Variants in SASH1 observed in about 807,000 individuals in gnomAD.
SASH1 encodes SAM and SH3 domain containing 1, also known as SAM and SH3 domain-containing protein 1.
A neutral mutation model predicts 125.2 loss-of-function variants in SASH1; 44 were observed. That is an observed-to-expected ratio of 0.35 (90% confidence interval 0.28 to 0.45). The LOEUF is 0.45. Ranked by LOEUF, SASH1 falls within the 20% of genes least tolerant of loss-of-function variation. The pLI is 1.00. For synonymous variants in SASH1, 639 were observed against 649.1 expected (o/e 0.98, Z 0.24); for missense variants, 1,426 against 1,614.5 (o/e 0.88, Z 2.00).
intron 9 of SASH1, among the ~76,000 whole-genome samples, chr6:148,518,642 A>G (rs749501205): frequency 6.6e-6 from 1 of 152,170 alleles, no homozygotes; most frequent in African/African-American, 2.4e-5. Flanking sequence ...TGCAGAGCTC[A>G]AAGTTTCCCT....
intron 16 of SASH1, among the ~76,000 whole-genome samples, chr6:148,535,869 C>G (rs1249142283): frequency 6.6e-6 from 1 of 152,142 alleles, no homozygotes; most frequent in Non-Finnish European, 1.5e-5. Flanking sequence ...CACACCAAAA[C>G]CATGGTTAAT....
the SASH1 span, among the ~76,000 whole-genome samples, chr6:148,229,618 C>A: frequency 6.6e-6 from 1 of 151,584 alleles, no homozygotes; most frequent in African/African-American, 2.4e-5. Flanking sequence ...TGAGATATAA[C>A]TTGTATGCCT....
At chr6:148,221,410 A>G in the SASH1 span, among the ~76,000 whole-genome samples, 4 of 152,248 alleles carry the variant, frequency 2.6e-5, no homozygotes, top group Non-Finnish European at 4.4e-5. Flanking sequence ...TATCTTTTGC[A>G]TAGCTGTATG....
chr6:148,312,448 C>T (rs1458452445), intron 1 of SASH1, among the ~76,000 whole-genome samples: 1 of 152,076 alleles, frequency 6.6e-6, no homozygotes, highest in Non-Finnish European at 1.5e-5. Flanking sequence ...TTTGAGGCTG[C>T]ACTGAGCTAT....
At chr6:148,251,059 A>G in the SASH1 span, among the ~76,000 whole-genome samples, 1 of 152,206 alleles carries the variant, frequency 6.6e-6, no homozygotes, top group African/African-American at 2.4e-5. Flanking sequence ...AGCAAAATTT[A>G]AAGGGAAGAA....
chr6:148,532,779 C>T lies in SASH1; in HGVS notation c.1565-18C>T. The T allele has an allele frequency of 6.2e-7, 1 of 1,613,506 alleles. No homozygotes were observed. On this transcript the variant is annotated intron_variant, in intron 13 of 19. Transcript: ENST00000367467. This position sits in a 1 kb window ranked among gnomAD's most constrained non-coding sequence, Gnocchi z 4.7. ...GAAATCTGGATCTACCCGTGTTCTT[C>T]CTATGTTTCCTGTACAGGCGGTCAA...
At chr6:148,514,021 G>A in intron 8 of SASH1, 3 of 1,055,194 alleles carry the variant, frequency 2.8e-6, no homozygotes, top group Non-Finnish European at 3.4e-6. Flanking sequence ...GAGTCCTGCT[G>A]GAGTCCTCCT....
chr6:148,256,923 C>G, the SASH1 span, among the ~76,000 whole-genome samples: 1 of 151,934 alleles, frequency 6.6e-6, no homozygotes, highest in Non-Finnish European at 1.5e-5. Context: ...TTGATGAGAG[C>G]TTTGGGGGTG....
At chr6:148,290,540 A>G (rs895928188) in intron 1 of SASH1, among the ~76,000 whole-genome samples, 3 of 152,082 alleles carry the variant, frequency 2.0e-5, no homozygotes, top group African/African-American at 7.2e-5. Context: ...CGGGAGGCGA[A>G]GCTTGCAGTG....
chr6:148,417,615 A>G (rs989641710), intron 2 of SASH1, among the ~76,000 whole-genome samples: 2 of 150,524 alleles, frequency 1.3e-5, no homozygotes, highest in Admixed American at 6.6e-5. Context: ...ATAAAAGAGC[A>G]TGTATCCCAT....
chr6:148,290,587 CAG>C (rs1017158188), intron 1 of SASH1, among the ~76,000 whole-genome samples: 41 of 152,120 alleles, frequency 2.7e-4, no homozygotes, highest in African/African-American at 8.4e-4. Context: ...GCCTGGGTGA[CAG>C]AGTGAGATTC....
chr6:148,465,990 T>C (rs1324665078), intron 4 of SASH1, among the ~76,000 whole-genome samples: 1 of 152,244 alleles, frequency 6.6e-6, no homozygotes, highest in Admixed American at 6.5e-5. Flanking sequence ...TTCATCCATG[T>C]ACCTTACTTG....
At chr6:148,338,725 C>T (rs114505585), upstream of SASH1, among the ~76,000 whole-genome samples, 945 of 150,984 alleles carry the variant, frequency 6.3e-3, 15 homozygotes, top group African/African-American at 0.022. Context: ...CCCTGAAGGG[C>T]CAGGAGCCTT....
intron 1 of SASH1, among the ~76,000 whole-genome samples, chr6:148,291,755 TAAGTC>T (rs1419440314): frequency 6.6e-6 from 1 of 152,092 alleles, no homozygotes; most frequent in African/African-American, 2.4e-5. Context: ...AATGCTGTTT[TAAGTC>T]AAATGAAAAC....
At chr6:148,259,848 C>T in the SASH1 span, among the ~76,000 whole-genome samples, 1 of 152,176 alleles carries the variant, frequency 6.6e-6, no homozygotes, top group South Asian at 2.1e-4. Context: ...ATTTTAACAC[C>T]ATTTGGAAGC....
chr6:148,343,160 C>G lies in SASH1; in HGVS notation c.93C>G (p.Pro31=). The G allele has an allele frequency of 2.5e-6, 4 of 1,600,074 alleles. No homozygotes were observed. The highest frequency in any genetic ancestry group is 2.5e-6 in the Non-Finnish European group (3 of 1,179,176). The change falls in exon 1 of 20, where the codon CCC becomes CCG. Residue 31 remains proline (P), a synonymous_variant. Coordinates refer to ENST00000367467, the MANE Select transcript of SASH1 (RefSeq NM_015278.5). ...CCGCGCCGGAGCCGGAACCGGAGCC[C>G]AAGCCGGGTGCTGGCACATCCGAGG... ...PEPAPEPEPE[P]KPGAGTSEAF...
the SASH1 span, among the ~76,000 whole-genome samples, chr6:148,206,249 T>C: frequency 3.9e-5 from 6 of 152,186 alleles, no homozygotes; most frequent in East Asian, 7.7e-4. Flanking sequence ...GATGGAGAAG[T>C]CAGCCCCACC....
At chr6:148,284,911 CAAAT>C (rs1429377555) in intron 1 of SASH1, among the ~76,000 whole-genome samples, 3 of 152,078 alleles carry the variant, frequency 2.0e-5, no homozygotes, top group African/African-American at 7.2e-5. Flanking sequence ...TTTTTAAGGC[CAAAT>C]AAATCTTTTT....
At chr6:148,500,870 T>C (rs2115267031) in intron 8 of SASH1, among the ~76,000 whole-genome samples, 1 of 152,338 alleles carries the variant, frequency 6.6e-6, no homozygotes, top group East Asian at 1.9e-4. Context: ...TGTGGTTCAG[T>C]GTTCAGCAGA....
Sources: allele counts gnomAD v4.1 joint callset (sites outside exome capture counted in the v4.1 genomes callset), GRCh38; gene constraint gnomAD v4.1.1; non-coding constraint Gnocchi (gnomAD v3.1); transcripts MANE v1.5; gene names NCBI Gene and HGNC (gene_info 2026-07-23, HGNC 2026-07-21).